Variants in GABRA4 observed in about 807,000 individuals in gnomAD.
GABRA4 encodes the protein gamma-aminobutyric acid receptor subunit alpha-4.
GABRA4 carries 12 observed loss-of-function variants against 49.7 expected under a neutral mutation model. The observed-to-expected ratio is 0.24, with a 90% CI of 0.15 to 0.39. GABRA4 has a LOEUF of 0.39. Among genes scored for constraint, GABRA4 ranks in the 10% least tolerant of loss-of-function variants. GABRA4 has a pLI of 1.00. For synonymous variants in GABRA4, 288 were observed against 240.2 expected (o/e 1.20, Z -1.84); for missense variants, 506 against 686.0 (o/e 0.74, Z 2.93).
intron 8 of GABRA4, among the ~76,000 whole-genome samples, chr4:46,949,099 T>G (rs1722077266): frequency 6.6e-6 from 1 of 152,128 alleles, no homozygotes; most frequent in Non-Finnish European, 1.5e-5. Context: ...CCCCTCAATT[T>G]TATGTTCTCT....
At chr4:46,991,072 G>A (rs1433680883) in intron 2 of GABRA4, among the ~76,000 whole-genome samples, 1 of 152,060 alleles carries the variant, frequency 6.6e-6, no homozygotes, top group Non-Finnish European at 1.5e-5. Context: ...TGTAATCCCA[G>A]CTACTCTGGG....
At chr4:46,963,249 G>GA (rs556800712) in intron 8 of GABRA4, among the ~76,000 whole-genome samples, 42 of 151,648 alleles carry the variant, frequency 2.8e-4, no homozygotes, top group Non-Finnish European at 5.2e-4. Context: ...AACTGAATAG[G>GA]AAAAAATCTG....
chr4:46,982,630 G>A (rs1011098415), intron 2 of GABRA4, among the ~76,000 whole-genome samples: 1 of 152,010 alleles, frequency 6.6e-6, no homozygotes, highest in African/African-American at 2.4e-5. Flanking sequence ...CTGATATTCA[G>A]TCTTTCTCTG....
In GABRA4 at chr4:46,969,260, A is replaced by T. The variant is rs559824743; in HGVS notation, c.874+1823T>A. On this transcript the variant is annotated intron_variant, in intron 7 of 8. Coordinates refer to ENST00000264318, the MANE Select transcript of GABRA4 (RefSeq NM_000809.4). The stretch of plus-strand genomic sequence containing the variant: ...TTCTACACACTCTTTAGGATCATTT[A>T]AAAAAATGTATACATGAGTTTTTTT... Among the ~76,000 whole-genome samples the T allele has an allele frequency of 1.5e-4, 23 of 151,576 alleles. No homozygotes were observed. In the East Asian group the frequency reaches 4.5e-3, roughly 30 times the overall value.
intron 5 of GABRA4, among the ~76,000 whole-genome samples, chr4:46,976,290 A>G (rs1326374486): frequency 7.1e-6 from 1 of 140,562 alleles, no homozygotes; most frequent in South Asian, 2.2e-4. Flanking sequence ...CTTTGCTTGT[A>G]CTAAAACAAC....
In GABRA4 at chr4:46,927,507, G is replaced by T. The variant is rs938306934; in HGVS notation, c.*718C>A. On this transcript the variant is annotated 3_prime_UTR_variant, in exon 9 of 9. Coordinates refer to ENST00000264318, the MANE Select transcript of GABRA4 (RefSeq NM_000809.4). Reference sequence around the variant, plus strand: ...TAGCATAGTTCCTGGAACACAGTAGGCTCTGAATAACTATGTAGTAAATAA... The same window carrying T: ...TAGCATAGTTCCTGGAACACAGTAGTCTCTGAATAACTATGTAGTAAATAA... The T allele has an allele frequency of 6.6e-6, 1 of 152,406 alleles. No homozygotes were observed. The highest frequency in any genetic ancestry group is 2.4e-5 in the African/African-American group (1 of 41,408). The allele number at this position is 152,406 out of a possible 1,614,324, so 9.4% of individuals were successfully genotyped here.
rs1366508034 is a variant in GABRA4, at chr4:46,976,926, T to G, written c.577+135A>C. 8 of 553,760 alleles carry G rather than the reference T, an allele frequency of 1.4e-5. No individual in the cohort carries two copies. The East Asian group carries it at 2.7e-4, about 19-fold the overall frequency. 34.3% of individuals were successfully genotyped at this position (553,760 alleles called of 1,614,324 possible). On this transcript the variant is annotated intron_variant, in intron 5 of 8. Transcript: ENST00000264318. ...TTATAAAATATTAGTTAATGAAATC[T>G]CCAGAAATAAAACCGGACAGTTTTT...
chr4:46,990,321 G>T (rs941638136), intron 2 of GABRA4, among the ~76,000 whole-genome samples: 1 of 152,110 alleles, frequency 6.6e-6, no homozygotes, highest in African/African-American at 2.4e-5. Context: ...ATAGAATTAC[G>T]ATTAACCAAA....
At chr4:46,979,009 A>T (rs1172102929) in intron 3 of GABRA4, 22 bp downstream of exon 3, 1 of 1,546,524 alleles carries the variant, frequency 6.5e-7, no homozygotes, top group East Asian at 2.3e-5. Flanking sequence ...CAAAAGGTAC[A>T]TTAAACTTCG....
rs924312147 is a variant in GABRA4 at position 46,920,591 on chromosome 4, T to C, written c.*7634A>G. The stretch of plus-strand genomic sequence containing the variant: ...TCAAGGGAGAATTTTTATCAAATTG[T>C]GTAAATCCACATTATCTCCATATTT... On this transcript the variant is annotated 3_prime_UTR_variant, in exon 9 of 9. Transcript: ENST00000264318. The C allele has an allele frequency of 6.6e-6, 1 of 151,752 alleles. No homozygotes were observed. Among genetic ancestry groups the C allele is most frequent in the African/African-American group, 2.4e-5 (1 of 41,418 alleles). 9.4% of individuals were successfully genotyped at this position (151,752 alleles called of 1,614,324 possible).
chr4:46,959,140 T>C (rs1413490289), intron 8 of GABRA4, among the ~76,000 whole-genome samples: 4 of 152,010 alleles, frequency 2.6e-5, no homozygotes, highest in African/African-American at 9.7e-5. Context: ...CTTATTTCTC[T>C]TTCTCTCTCT....
At chr4:46,928,804 T>C in intron 8 of GABRA4, 49 bp from the exon 9 acceptor site, 1 of 1,312,192 alleles carries the variant, frequency 7.6e-7, no homozygotes, top group Non-Finnish European at 1.1e-6. Flanking sequence ...TTTATGCAGA[T>C]TTGTACAAAA....
chr4:46,993,052 C>G, intron 1 of GABRA4, 106 bp from the exon 2 acceptor site: 1 of 898,822 alleles, frequency 1.1e-6, no homozygotes, highest in Non-Finnish European at 1.8e-6. Flanking sequence ...TCGCTTGCCC[C>G]AAGCTAAAGG....
intron 8 of GABRA4, among the ~76,000 whole-genome samples, chr4:46,964,716 A>C (rs1033960483): frequency 1.3e-5 from 2 of 151,812 alleles, no homozygotes; most frequent in Non-Finnish European, 2.9e-5. Flanking sequence ...CTGTAAAAAA[A>C]ACCTGTAACT....
chr4:46,973,947 C>T (rs1162292861), intron 6 of GABRA4, among the ~76,000 whole-genome samples: 4 of 151,752 alleles, frequency 2.6e-5, no homozygotes, highest in African/African-American at 9.7e-5. Flanking sequence ...GACTTCCTAC[C>T]ACATAATTTT....
rs1488626503 is a variant in GABRA4 at position 46,925,736 on chromosome 4, TATTATTATTATTATTATTATTATC to T, written c.*2465_*2488del. 2.7e-5 allele frequency: 3 copies of T among 110,808 alleles called. No homozygotes were observed. Among genetic ancestry groups the T allele is most frequent in the Admixed American group, 9.6e-5 (1 of 10,388 alleles). 6.9% of individuals were successfully genotyped at this position (110,808 alleles called of 1,614,324 possible). ...AACATATTATTATTATTATTATTAT[TATTATTATTATTATTATTATTATC>T]ATCATTATTATCATTGTGTGCAAAT... On this transcript the variant is annotated 3_prime_UTR_variant, in exon 9 of 9. Coordinates refer to ENST00000264318, the MANE Select transcript of GABRA4 (RefSeq NM_000809.4).
intron 8 of GABRA4, among the ~76,000 whole-genome samples, chr4:46,940,617 C>G (rs1267729964): frequency 1.6e-4 from 24 of 151,976 alleles, no homozygotes; most frequent in Admixed American, 1.6e-3. Flanking sequence ...TAACACGATT[C>G]ATTACAAATC....
chr4:46,988,778 G>A lies in GABRA4; in HGVS notation c.205+4050C>T, dbSNP rs774096715. On this transcript the variant is annotated intron_variant, in intron 2 of 8. Coordinates refer to ENST00000264318, the MANE Select transcript of GABRA4 (RefSeq NM_000809.4). The stretch of plus-strand genomic sequence containing the variant: ...GGTATGTTGAGGAAATTTGACTCTT[G>A]ATAAACAGGGCAATGAAAGAGTGCC... Among the ~76,000 whole-genome samples the A allele has an allele frequency of 2.0e-5, 3 of 152,132 alleles. 1 individual carries two copies. Among genetic ancestry groups the A allele is most frequent in the African/African-American group, 7.2e-5 (3 of 41,416 alleles).
chr4:46,951,480 T>G (rs7685553), intron 8 of GABRA4, among the ~76,000 whole-genome samples: 1 of 151,758 alleles, frequency 6.6e-6, no homozygotes, highest in East Asian at 1.9e-4. Context: ...TATGTCCTCA[T>G]AGCTTGTTAC....
Sources: gnomAD v4.1 joint callset for allele counts (sites outside exome capture counted in the v4.1 genomes callset) on GRCh38, gnomAD v4.1.1 for gene constraint, MANE v1.5 for transcripts, NCBI Gene and HGNC (gene_info 2026-07-23, HGNC 2026-07-21) for gene names.